Variants in OPRM1 observed in about 807,000 individuals in gnomAD.
The protein encoded by OPRM1 is opioid receptor mu 1.
In OPRM1, 27 loss-of-function variants were observed where a neutral mutation model predicts 31.8. The ratio of observed to expected loss-of-function variants is 0.85; its 90% CI spans 0.63 to 1.17. The LOEUF (loss-of-function observed/expected upper bound fraction) is 1.17, where lower values mean the gene tolerates loss of function less well. Ranked by LOEUF, OPRM1 falls within the 50% of genes most tolerant of loss-of-function variation. The pLI, the probability that OPRM1 is intolerant of heterozygous loss-of-function variation, is 0.00. For missense variants in OPRM1, 536 were observed against 511.1 expected (o/e 1.05, Z -0.47); for synonymous variants, 196 against 189.9 (o/e 1.03, Z -0.26).
At position 154,039,646 on chromosome 6, in the gene OPRM1, G is replaced by A; in HGVS notation, c.102G>A (p.Leu34=). The change falls in exon 1 of 4, where the codon TTG becomes TTA. Residue 34 remains leucine, a synonymous_variant. Transcript: ENST00000330432. ...CCAGCCCCGGTTCCTGGGTCAACTT[G>A]TCCCACTTAGATGGCAACCTGTCCG... ...PAPSPGSWVN[L]SHLDGNLSDP... The A allele has an allele frequency of 1.2e-6, 2 of 1,613,798 alleles. No homozygotes were observed. The highest frequency in any genetic ancestry group is 1.7e-5 in the Admixed American group (1 of 60,030).
In OPRM1 at chr6:154,118,689, A is replaced by G. The variant is rs1797127592; in HGVS notation, c.1171A>G (p.Asn391Asp). ...TVDRTNHQLE[N>D]LEAETAPLP ...GCTCTTTCTCTCCTTTCAGCTAGAA[A>G]ATCTGGAAGCAGAAACTGCTCCGTT... Residue 391 changes from asparagine to aspartate, a missense_variant, in exon 4 of 4, where the codon AAT (asparagine) becomes GAT (aspartate). Physicochemically the swap from Asn to Asp is conservative, Grantham distance 23. Coordinates refer to ENST00000330432, the MANE Select transcript of OPRM1 (RefSeq NM_000914.5). The G allele has an allele frequency of 6.2e-7, 1 of 1,613,172 alleles. No individual in the cohort carries two copies. The highest frequency in any genetic ancestry group is 1.1e-5 in the South Asian group (1 of 91,046).
At chr6:154,140,560 C>A (rs1038580716) in intron 3 of OPRM1, among the ~76,000 whole-genome samples, 5 of 152,076 alleles carry the variant, frequency 3.3e-5, no homozygotes, top group African/African-American at 7.2e-5. Context: ...AAATTCCTGA[C>A]TTCAGGTGAT....
chr6:154,012,008 A>G (rs1289806753), intron 1 of OPRM1, among the ~76,000 whole-genome samples: 1 of 152,182 alleles, frequency 6.6e-6, no homozygotes, highest in South Asian at 2.1e-4. Context: ...AAACTGAAAT[A>G]TCTTCCTTAA....
chr6:154,093,638 T>A, intron 3 of OPRM1: 1 of 1,064,568 alleles, frequency 9.4e-7, no homozygotes, highest in Non-Finnish European at 1.3e-6. Context: ...GCTGCCTCTA[T>A]GAAGCAGTAT....
intron 1 of OPRM1, among the ~76,000 whole-genome samples, chr6:154,056,663 C>T (rs1583272803): frequency 6.6e-6 from 1 of 151,932 alleles, no homozygotes; most frequent in African/African-American, 2.4e-5. Context: ...ACAAGGAGAT[C>T]AATGGAAGGG....
chr6:154,149,176 G>A (rs113482644), intron 3 of OPRM1, among the ~76,000 whole-genome samples: 10,277 of 152,116 alleles, frequency 0.068, 960 homozygotes, highest in African/African-American at 0.21. Context: ...ACAGTTCCAC[G>A]TGGCTGGGGA....
chr6:154,083,547 G>C (rs1789658372), intron 1 of OPRM1: 1 of 151,046 alleles, frequency 6.6e-6, no homozygotes, highest in African/African-American at 2.4e-5. Flanking sequence ...AGATACTCAT[G>C]GTTTGTCATC....
chr6:154,220,799 C>CTCCG (rs1274886537), intron 3 of OPRM1, among the ~76,000 whole-genome samples: 1 of 152,214 alleles, frequency 6.6e-6, no homozygotes, highest in African/African-American at 2.4e-5. Flanking sequence ...GTTTGATGTA[C>CTCCG]TCCGAGCAAA....
At chr6:154,221,657 A>C (rs546507832) in intron 3 of OPRM1, among the ~76,000 whole-genome samples, 1 of 152,168 alleles carries the variant, frequency 6.6e-6, no homozygotes, top group African/African-American at 2.4e-5. Context: ...GCAGATCACG[A>C]GGTCAGGAGA....
At chr6:154,064,179 G>A (rs185522351) in intron 1 of OPRM1, among the ~76,000 whole-genome samples, 6 of 152,222 alleles carry the variant, frequency 3.9e-5, no homozygotes, top group Admixed American at 3.3e-4. Flanking sequence ...CCTAATGAAT[G>A]TGAGGAGGTG....
At chr6:154,021,683 A>G (rs910127655) in intron 1 of OPRM1, among the ~76,000 whole-genome samples, 2 of 152,184 alleles carry the variant, frequency 1.3e-5, no homozygotes, top group African/African-American at 4.8e-5. Flanking sequence ...CGTTAGCTTT[A>G]TGCCTAAGTA....
Position 154,127,982 on chromosome 6 carries a change from C to T in OPRM1, c.*9261C>T, listed in dbSNP as rs976436715. Among the ~76,000 whole-genome samples the T allele has an allele frequency of 2.6e-5, 4 of 152,182 alleles. No individual in the cohort carries two copies. The highest frequency in any genetic ancestry group is 9.7e-5 in the African/African-American group (4 of 41,444). ...ATGGAAATTCATGGCCCTTATTTCT[C>T]AAGGGACCAGAGAAAACCAATAGGC... On this transcript the variant is annotated 3_prime_UTR_variant, in exon 4 of 4. Coordinates refer to ENST00000330432, the MANE Select transcript of OPRM1 (RefSeq NM_000914.5).
intron 3 of OPRM1, chr6:154,219,228 T>C (rs1048370532): frequency 3.3e-5 from 5 of 152,176 alleles, no homozygotes; most frequent in Admixed American, 6.5e-5. Context: ...AAAATGCACC[T>C]TACTGTGTAG....
rs1797601557 is a variant in OPRM1 at position 154,126,642 on chromosome 6, G to A, written c.*7921G>A. Among the ~76,000 whole-genome samples the A allele has an allele frequency of 6.6e-6, 1 of 152,136 alleles. No individual in the cohort carries two copies. Among genetic ancestry groups the A allele is most frequent in the South Asian group, 2.1e-4 (1 of 4,818 alleles). On this transcript the variant is annotated 3_prime_UTR_variant, in exon 4 of 4. Transcript: ENST00000330432. ...ACCGAAACAACCAAGCCTAGAATCA[G>A]CTGGTGCCTCTTTTCATCTGCAGGG... is the stretch of plus-strand genomic sequence containing the variant.
At chr6:154,146,288 T>A (rs1798356589) in intron 3 of OPRM1, among the ~76,000 whole-genome samples, 1 of 152,314 alleles carries the variant, frequency 6.6e-6, no homozygotes, top group South Asian at 2.1e-4. Context: ...TGATCTCAGC[T>A]ACTCAGGACG....
intron 3 of OPRM1, among the ~76,000 whole-genome samples, chr6:154,201,827 G>A (rs1041632002): frequency 9.2e-5 from 14 of 152,102 alleles, no homozygotes; most frequent in Non-Finnish European, 1.9e-4. Context: ...CTCAAGAAGC[G>A]GAAGTTGCAG....
chr6:154,238,430 T>C (rs556217117), intron 3 of OPRM1, among the ~76,000 whole-genome samples: 5 of 151,564 alleles, frequency 3.3e-5, no homozygotes, highest in Non-Finnish European at 5.9e-5. Context: ...TAATTTTGTA[T>C]ATATATATAT....
At chr6:154,172,724 G>A (rs1197749431) in intron 3 of OPRM1, among the ~76,000 whole-genome samples, 3 of 152,210 alleles carry the variant, frequency 2.0e-5, no homozygotes, top group Non-Finnish European at 4.4e-5. Context: ...CCACCTCTGG[G>A]GGCAGGGCAT....
At position 154,222,792 on chromosome 6, in the gene OPRM1, G is replaced by A. The variant is rs114201907; in HGVS notation, c.1165-23901G>A. ...CTCCATGAACTAAGAAAGAAAAGCTGGTCTTGCTGGCGTATCTGCAACTCG... is the reference window on the plus strand; with the variant it reads ...CTCCATGAACTAAGAAAGAAAAGCTAGTCTTGCTGGCGTATCTGCAACTCG... On this transcript the variant is annotated intron_variant, in intron 3 of 3. Transcript: ENST00000337049. Among the ~76,000 whole-genome samples the A allele has an allele frequency of 3.4e-3, 525 of 152,278 alleles. 3 individuals are homozygous for A. The highest frequency in any genetic ancestry group is 0.011 in the African/African-American group (469 of 41,556).
Sources: allele counts gnomAD v4.1 joint callset (sites outside exome capture counted in the v4.1 genomes callset), GRCh38; gene constraint gnomAD v4.1.1; transcripts MANE v1.5; gene names NCBI Gene and HGNC (gene_info 2026-07-23, HGNC 2026-07-21).